The following EPHB2 variants were observed in gnomAD, a reference collection of about 807,000 sequenced individuals.
EPHB2 encodes the protein EPH receptor B2, also known as ephrin type-B receptor 2.
A neutral mutation model predicts 96.4 loss-of-function variants in EPHB2; 18 were observed. The ratio of observed to expected loss-of-function variants is 0.19; its 90% CI spans 0.13 to 0.28. EPHB2 has a LOEUF of 0.28. Ranked by LOEUF, EPHB2 falls within the 10% of genes least tolerant of loss-of-function variation. The pLI is 1.00. For synonymous variants in EPHB2, 506 were observed against 534.1 expected (o/e 0.95, Z 0.72); for missense variants, 989 against 1,355.4 (o/e 0.73, Z 4.25).
At chr1:22,830,736 T>C (rs918537344) in intron 3 of EPHB2, among the ~76,000 whole-genome samples, 4 of 152,074 alleles carry the variant, frequency 2.6e-5, no homozygotes, top group African/African-American at 9.7e-5. Context: ...TTTGTATTTT[T>C]AGTAGAGATG....
chr1:22,793,091 C>G (rs539371866), intron 3 of EPHB2, among the ~76,000 whole-genome samples: 2 of 152,236 alleles, frequency 1.3e-5, no homozygotes, highest in Middle Eastern at 3.4e-3. Context: ...GTCCTCTCTC[C>G]TCTCTGAGTC....
Position 22,784,753 on chromosome 1 carries a change from T to C in EPHB2, c.488T>C (p.Val163Ala), listed in dbSNP as rs1644583705. 1 of 1,611,598 alleles carries C rather than the reference T, an allele frequency of 6.2e-7. No homozygotes were observed. Reference protein sequence around the residue: ...GGRVMKINTEVRSFGPVSRSG... With the variant: ...GGRVMKINTEARSFGPVSRSG... ...CGCGTCATGAAAATCAACACCGAGGTGCGGAGCTTCGGACCTGTGTCCCGC... is the reference window on the plus strand; with the variant it reads ...CGCGTCATGAAAATCAACACCGAGGCGCGGAGCTTCGGACCTGTGTCCCGC... The change falls in exon 3 of 16, where the codon GTG becomes GCG. Residue 163 changes from valine to alanine, a missense_variant. Coordinates refer to ENST00000374630, the MANE Select transcript of EPHB2 (RefSeq NM_017449.5). The surrounding 1 kb of genome is among the most constrained non-coding windows in gnomAD (Gnocchi z 5.1).
rs973032886 is a variant in EPHB2, at chr1:22,776,302, T to C, written c.62-5119T>C. Among the ~76,000 whole-genome samples the C allele has an allele frequency of 2.6e-5, 4 of 152,206 alleles. 1 individual carries two copies. The highest frequency in any genetic ancestry group is 9.6e-5 in the African/African-American group (4 of 41,458). ...CACTCACCCAGTCTTTAAGCCTCCA[T>C]GCAGGCGTCACGTTCTCCTGGAAGC... is the stretch of plus-strand genomic sequence containing the variant. On this transcript the variant is annotated intron_variant, in intron 1 of 15. Coordinates refer to ENST00000374630, the MANE Select transcript of EPHB2 (RefSeq NM_017449.5).
intron 1 of EPHB2, among the ~76,000 whole-genome samples, chr1:22,735,756 C>T (rs113158565): frequency 6.6e-6 from 1 of 152,164 alleles, no homozygotes; most frequent in African/African-American, 2.4e-5. Context: ...ATCCTCTTCC[C>T]ACCCTGGGAC....
chr1:22,862,979 G>C, intron 3 of EPHB2, 58 bp from the exon 4 acceptor site: 1 of 1,612,118 alleles, frequency 6.2e-7, no homozygotes. Context: ...TGCGTGGCTC[G>C]TGACCTCTCT....
intron 1 of EPHB2, among the ~76,000 whole-genome samples, chr1:22,780,765 AAAGG>A (rs1481395195): frequency 4.6e-5 from 7 of 152,176 alleles, no homozygotes; most frequent in Admixed American, 6.5e-5. Flanking sequence ...CTCGTCCAGA[AAAGG>A]AAGGGAAGGA....
rs577433160 is a variant in EPHB2, at chr1:22,721,334, T to C, written c.61+10291T>C. Among the ~76,000 whole-genome samples the C allele has an allele frequency of 2.3e-4, 35 of 152,264 alleles. 1 individual carries two copies. Among genetic ancestry groups the C allele is most frequent in the Admixed American group, 2.0e-3 (30 of 15,306 alleles). ...TAGTCAAAGTTGACGCATTAAACCATTGAGCAAGAAATTGGCCTTCTGTTT... is the reference window on the plus strand; with the variant it reads ...TAGTCAAAGTTGACGCATTAAACCACTGAGCAAGAAATTGGCCTTCTGTTT... On this transcript the variant is annotated intron_variant, in intron 1 of 15. Coordinates refer to ENST00000374630, the MANE Select transcript of EPHB2 (RefSeq NM_017449.5).
In EPHB2 at chr1:22,740,986, T is replaced by C. The variant is rs78663492; in HGVS notation, c.61+29943T>C. On this transcript the variant is annotated intron_variant, in intron 1 of 15. Coordinates refer to ENST00000374630, the MANE Select transcript of EPHB2 (RefSeq NM_017449.5). ...GTCCCTGCGATGCCAAGCCTCTCCT[T>C]GCTGACGGCGGGGATTGACGATCCA... Among the ~76,000 whole-genome samples the C allele has an allele frequency of 3.7e-4, 57 of 152,232 alleles. No individual in the cohort carries two copies. In the East Asian group the frequency reaches 9.7e-3, roughly 26 times the overall value.
chr1:22,913,520 A>G lies in EPHB2; in HGVS notation c.2911A>G (p.Ile971Val). The stretch of plus-strand genomic sequence containing the variant: ...CCACCAGAAAAAAATCCTGAACAGT[A>G]TCCAGGTGATGCGGGCGCAGATGAA... ...AGHQKKILNS[I>V]QVMRAQMNQI... The change falls in exon 16 of 16, where the codon ATC becomes GTC. Residue 971 changes from isoleucine to valine, a missense_variant. Coordinates refer to ENST00000374630, the MANE Select transcript of EPHB2 (RefSeq NM_017449.5). This position sits in a 1 kb window ranked among gnomAD's most constrained non-coding sequence, Gnocchi z 4.1. 6.2e-7 allele frequency: 1 copy of G among 1,614,208 alleles called. No homozygotes were observed. Among genetic ancestry groups the G allele is most frequent in the Non-Finnish European group, 8.5e-7 (1 of 1,180,034 alleles).
chr1:22,823,005 A>G (rs1440158751), intron 3 of EPHB2, among the ~76,000 whole-genome samples: 1 of 152,196 alleles, frequency 6.6e-6, no homozygotes, highest in African/African-American at 2.4e-5. Context: ...ACTGAGACCT[A>G]CATATACCCT....
chr1:22,757,279 C>T (rs1345648685), intron 1 of EPHB2, among the ~76,000 whole-genome samples: 2 of 151,856 alleles, frequency 1.3e-5, no homozygotes, highest in African/African-American at 4.8e-5. Flanking sequence ...TGGGGAGACC[C>T]CACATGGATG....
intron 3 of EPHB2, among the ~76,000 whole-genome samples, chr1:22,862,780 C>T (rs1324806886): frequency 6.6e-6 from 1 of 152,164 alleles, no homozygotes; most frequent in African/African-American, 2.4e-5. Flanking sequence ...ATGACACAGC[C>T]AAGCTGGGAT....
Position 22,894,458 on chromosome 1 carries a change from G to A in EPHB2, c.1592-1014G>A, listed in dbSNP as rs528339943. ...ACTAAAACTACAAAATCAGCTGGGCGTGATGGCAGGCACCTGTAGTCACAG... is the reference window on the plus strand; with the variant it reads ...ACTAAAACTACAAAATCAGCTGGGCATGATGGCAGGCACCTGTAGTCACAG... On this transcript the variant is annotated intron_variant, in intron 7 of 15. Coordinates refer to ENST00000374630, the MANE Select transcript of EPHB2 (RefSeq NM_017449.5). 1.8e-4 allele frequency among the ~76,000 whole-genome samples: 28 copies of A among 152,154 alleles called. No individual in the cohort carries two copies. The South Asian group carries it at 3.1e-3, about 17-fold the overall frequency.
At chr1:22,852,517 A>C (rs1177146212) in intron 3 of EPHB2, among the ~76,000 whole-genome samples, 2 of 152,106 alleles carry the variant, frequency 1.3e-5, no homozygotes, top group Non-Finnish European at 2.9e-5. Flanking sequence ...GCCTGCTGGG[A>C]GGGCGGGAGC....
At chr1:22,808,131 C>CA (rs35957296) in intron 3 of EPHB2, among the ~76,000 whole-genome samples, 24,377 of 140,990 alleles carry the variant, frequency 0.17, 2,671 homozygotes, top group East Asian at 0.58. Flanking sequence ...AAGACTGTCA[C>CA]AAAAAAAAAA....
At chr1:22,911,256 G>A (rs1328856895) in intron 14 of EPHB2, among the ~76,000 whole-genome samples, 2 of 152,122 alleles carry the variant, frequency 1.3e-5, no homozygotes, top group South Asian at 2.1e-4. Flanking sequence ...CTACCCTCAC[G>A]CTCAAACCTG....
At chr1:22,774,665 G>A (rs1644422673) in intron 1 of EPHB2, 2 of 969,600 alleles carry the variant, frequency 2.1e-6, no homozygotes, top group Non-Finnish European at 2.5e-6. Flanking sequence ...GCTTGGCAGG[G>A]GCCTCGAGTA....
chr1:22,882,316 T>G (rs1159410458), intron 5 of EPHB2, 43 bp from the exon 6 acceptor site: 2 of 1,610,320 alleles, frequency 1.2e-6, no homozygotes, highest in Admixed American at 1.7e-5. Flanking sequence ...AAGCTGCACC[T>G]TCTCATGCCT....
chr1:22,835,190 G>T (rs1645362023), intron 3 of EPHB2, among the ~76,000 whole-genome samples: 1 of 152,144 alleles, frequency 6.6e-6, no homozygotes, highest in African/African-American at 2.4e-5. Context: ...GACCAGCCTG[G>T]GTGACATGGC....
Sources: allele counts gnomAD v4.1 joint callset (sites outside exome capture counted in the v4.1 genomes callset), GRCh38; gene constraint gnomAD v4.1.1; non-coding constraint Gnocchi (gnomAD v3.1); transcripts MANE v1.5; gene names NCBI Gene and HGNC (gene_info 2026-07-23, HGNC 2026-07-21).